Variants in CSMD3 observed in about 807,000 individuals in gnomAD.
CSMD3 encodes the protein CUB and sushi domain-containing protein 3.
A neutral mutation model predicts 435.2 loss-of-function variants in CSMD3; 177 were observed. That is an observed-to-expected ratio of 0.41 (90% CI 0.36 to 0.46). The LOEUF is 0.46. Ranked by LOEUF, CSMD3 falls within the 20% of genes least tolerant of loss-of-function variation. The pLI is 0.34. For missense variants in CSMD3, 4,265 were observed against 4,504.6 expected (o/e 0.95, Z 1.52); for synonymous variants, 1,656 against 1,520.5 (o/e 1.09, Z -2.07).
chr8:112,695,531 G>A (rs978128622), intron 13 of CSMD3, among the ~76,000 whole-genome samples: 6 of 152,016 alleles, frequency 3.9e-5, no homozygotes, highest in Admixed American at 3.3e-4. Flanking sequence ...AAATTCAACA[G>A]CCCTTCATGC....
chr8:112,358,592 C>T (rs144597800), intron 38 of CSMD3, among the ~76,000 whole-genome samples: 9 of 152,224 alleles, frequency 5.9e-5, no homozygotes, highest in East Asian at 3.9e-4. Context: ...CAAGATCTGA[C>T]GGTCTTTAAA....
chr8:112,369,334 C>A (rs935956428), intron 38 of CSMD3, among the ~76,000 whole-genome samples: 1 of 151,926 alleles, frequency 6.6e-6, no homozygotes, highest in African/African-American at 2.4e-5. Flanking sequence ...AACCCAAAAG[C>A]AAGATTTTTC....
intron 6 of CSMD3, among the ~76,000 whole-genome samples, chr8:113,015,158 T>C (rs954509820): frequency 6.6e-6 from 1 of 152,092 alleles, no homozygotes. Flanking sequence ...ACTGAAACAA[T>C]GGGCATCTAA....
At chr8:112,518,919 G>T (rs1175238812) in intron 27 of CSMD3, among the ~76,000 whole-genome samples, 2 of 152,040 alleles carry the variant, frequency 1.3e-5, no homozygotes, top group Non-Finnish European at 2.9e-5. Flanking sequence ...GAAGGAGAGA[G>T]AGAGTGAAGG....
At chr8:112,890,616 C>T (rs763325559) in intron 10 of CSMD3, among the ~76,000 whole-genome samples, 1 of 151,666 alleles carries the variant, frequency 6.6e-6, no homozygotes, top group Admixed American at 6.6e-5. Context: ...AAACTCCATG[C>T]CCTCTTTCAA....
At chr8:113,436,581 A>G in intron 1 of CSMD3, 96 bp downstream of exon 1, 1 of 1,068,470 alleles carries the variant, frequency 9.4e-7, no homozygotes, top group Non-Finnish European at 1.5e-6. Context: ...AGATTATTTT[A>G]TCGGTGCAAA....
At chr8:113,152,084 G>A (rs1246403750) in intron 4 of CSMD3, among the ~76,000 whole-genome samples, 2 of 151,792 alleles carry the variant, frequency 1.3e-5, no homozygotes, top group African/African-American at 4.8e-5. Flanking sequence ...ACATAACATG[G>A]TGGTACAACC....
chr8:112,517,063 A>G lies in CSMD3; in HGVS notation c.4727T>C (p.Phe1576Ser), dbSNP rs1434505483. The change falls in exon 28 of 71, where the codon TTC becomes TCC. Residue 1576 changes from phenylalanine to serine, a missense_variant. Physicochemically the swap from Phe to Ser is radical, Grantham distance 155 (BLOSUM62 -2). This residue lies in a region of CSMD3 where 3,255 missense variants were observed against 3,380.2 expected (regional missense o/e 0.96). Coordinates refer to ENST00000297405, the MANE Select transcript of CSMD3 (RefSeq NM_198123.2). ...ACAGACTGGTGGGCTGGGCTGCCAG[A>G]AGTACCGATTTTCTACCTGAATGCA... Reference protein sequence around the residue: ...ITCIQVENRYFWQPSPPVCIA... With the variant: ...ITCIQVENRYSWQPSPPVCIA... The G allele has an allele frequency of 6.2e-7, 1 of 1,613,704 alleles. No individual in the cohort carries two copies. Among genetic ancestry groups the G allele is most frequent in the East Asian group, 2.2e-5 (1 of 44,862 alleles).
chr8:112,479,252 C>G (rs190830043), intron 31 of CSMD3, among the ~76,000 whole-genome samples: 1 of 152,124 alleles, frequency 6.6e-6, no homozygotes, highest in Non-Finnish European at 1.5e-5. Context: ...GCTACAGGAG[C>G]AAAGACATGA....
chr8:112,386,755 C>G (rs977425928), intron 36 of CSMD3, among the ~76,000 whole-genome samples: 3 of 152,136 alleles, frequency 2.0e-5, no homozygotes, highest in East Asian at 3.9e-4. Context: ...CCTCGGCCCC[C>G]CAAAGTGCTG....
At chr8:112,620,063 C>T (rs1833951603) in intron 22 of CSMD3, among the ~76,000 whole-genome samples, 1 of 151,804 alleles carries the variant, frequency 6.6e-6, no homozygotes, top group African/African-American at 2.4e-5. Flanking sequence ...GGTATAGTGA[C>T]TCAAAATGTT....
chr8:112,812,479 A>C (rs2132394004), intron 12 of CSMD3, among the ~76,000 whole-genome samples: 1 of 152,270 alleles, frequency 6.6e-6, no homozygotes. Context: ...ACACACACTT[A>C]AATCTTTCAA....
chr8:113,154,397 G>A (rs1046456653), intron 4 of CSMD3, among the ~76,000 whole-genome samples: 2 of 151,912 alleles, frequency 1.3e-5, no homozygotes, highest in African/African-American at 2.4e-5. Flanking sequence ...CAGAAGACCT[G>A]AGTCCAAATG....
At chr8:112,937,071 C>T (rs889026597) in intron 9 of CSMD3, among the ~76,000 whole-genome samples, 1 of 151,882 alleles carries the variant, frequency 6.6e-6, no homozygotes, top group African/African-American at 2.4e-5. Flanking sequence ...GGGTATTAGG[C>T]TTTGTTATTC....
intron 3 of CSMD3, among the ~76,000 whole-genome samples, chr8:113,196,982 T>C (rs2092663844): frequency 6.6e-6 from 1 of 151,084 alleles, no homozygotes; most frequent in African/African-American, 2.4e-5. Context: ...ATTTTCTTAC[T>C]TGTTTTATTA....
At chr8:112,622,697 G>A (rs996772696) in intron 22 of CSMD3, among the ~76,000 whole-genome samples, 12 of 152,078 alleles carry the variant, frequency 7.9e-5, no homozygotes, top group African/African-American at 2.9e-4. Context: ...AATGAGTATT[G>A]CGTTATCTGG....
rs2130689238 is a variant in CSMD3, at chr8:112,292,615, C to A, written c.8710G>T (p.Gly2904Trp). 6.2e-7 allele frequency: 1 copy of A among 1,613,734 alleles called. No homozygotes were observed. The highest frequency in any genetic ancestry group is 1.1e-5 in the South Asian group (1 of 91,074). Residue 2904 changes from glycine (G) to tryptophan (W), a missense_variant, in exon 55 of 71, where the codon GGG becomes TGG. Around this residue, in one of 3 missense-constraint regions of CSMD3, gnomAD observed 3,255 missense variants for 3,380.2 expected, o/e 0.96. Transcript: ENST00000297405. Reference protein sequence around the residue: ...NDVVTFSCNIGYLMQGPTKAQ... With the variant: ...NDVVTFSCNIWYLMQGPTKAQ... ...TTTGTTGGCCCTTGCATAAGATACCCAATATTGCATGAGAATGTTACCACA... is the reference window on the plus strand; with the variant it reads ...TTTGTTGGCCCTTGCATAAGATACCAAATATTGCATGAGAATGTTACCACA...
In CSMD3 at chr8:113,314,572, T is replaced by C. The variant is rs2093894950; in HGVS notation, c.400A>G (p.Arg134Gly). The change falls in exon 2 of 71, where the codon AGG (arginine) becomes GGG (glycine). Residue 134 changes from arginine to glycine, a missense_variant and splice_region_variant. Physicochemically the swap from Arg to Gly is moderately radical, Grantham distance 125. Transcript: ENST00000297405. ...GTCTTCCATTCAAAACACACTAACC[T>C]TGTCCTAAAGTTTGTAGGATGAGGA... ...GHPHPTNFRT[R>G]LTGFHLPPPV... The C allele has an allele frequency of 6.4e-7, 1 of 1,570,422 alleles. No individual in the cohort carries two copies. The highest frequency in any genetic ancestry group is 1.7e-5 in the Admixed American group (1 of 59,942).
intron 14 of CSMD3, 84 bp downstream of exon 14, chr8:112,689,784 G>A: frequency 8.4e-7 from 1 of 1,191,350 alleles, no homozygotes; most frequent in South Asian, 1.2e-5. Flanking sequence ...CACGGTTGCA[G>A]CTCTTTGCAA....
Sources: allele counts gnomAD v4.1 joint callset (sites outside exome capture counted in the v4.1 genomes callset), GRCh38; gene constraint gnomAD v4.1.1; regional missense constraint gnomAD v4.1.1; transcripts MANE v1.5; gene names NCBI Gene and HGNC (gene_info 2026-07-23, HGNC 2026-07-21).